Variants in PCCB observed in about 807,000 individuals in gnomAD.
PCCB encodes propionyl-CoA carboxylase beta chain, mitochondrial.
PCCB carries 43 observed loss-of-function variants against 60.7 expected under a neutral mutation model. That is an observed-to-expected ratio of 0.71 (90% CI 0.55 to 0.91). The LOEUF is 0.91. PCCB is among the 40% of genes least tolerant of loss of function. PCCB has a pLI of 0.00. For synonymous variants in PCCB, 276 were observed against 255.9 expected (o/e 1.08, Z -0.75); for missense variants, 766 against 702.8 (o/e 1.09, Z -1.02).
intron 13 of PCCB, among the ~76,000 whole-genome samples, chr3:136,328,166 C>T (rs139096777): frequency 2.6e-5 from 4 of 152,286 alleles, no homozygotes; most frequent in African/African-American, 4.8e-5. Context: ...ACCCTAGTGA[C>T]GTTGGACAAG....
At chr3:136,276,779 A>G (rs1942341914) in intron 5 of PCCB, among the ~76,000 whole-genome samples, 1 of 152,218 alleles carries the variant, frequency 6.6e-6, no homozygotes, top group Non-Finnish European at 1.5e-5. Context: ...TTGTTGGGGT[A>G]GAGCTGCAGA....
chr3:136,278,193 G>T (rs1401841349), intron 5 of PCCB, among the ~76,000 whole-genome samples: 7 of 152,080 alleles, frequency 4.6e-5, no homozygotes, highest in African/African-American at 1.2e-4. Flanking sequence ...ATCAGTCCCA[G>T]CCCTGGGTAA....
chr3:136,265,760 A>G (rs919633528), intron 5 of PCCB, among the ~76,000 whole-genome samples: 11 of 151,960 alleles, frequency 7.2e-5, no homozygotes, highest in African/African-American at 2.7e-4. Flanking sequence ...TTACATTACC[A>G]TGAGCAATGT....
chr3:136,253,082 G>GATTTTTTTTTTTT (rs1941562687), intron 1 of PCCB, among the ~76,000 whole-genome samples: 2 of 71,500 alleles, frequency 2.8e-5, no homozygotes, highest in Non-Finnish European at 4.9e-5. Flanking sequence ...AGCAATGGAG[G>GATTTTTTTTTTTT]TTTTTTTTTT....
chr3:136,330,087 C>A lies in PCCB; in HGVS notation c.*61C>A. On this transcript the variant is annotated 3_prime_UTR_variant, in exon 15 of 15. Coordinates refer to ENST00000251654, the MANE Select transcript of PCCB (RefSeq NM_000532.5). ...CTGTCTGCCCATTCACATCCCATTC[C>A]TGCCTTTTGCAATCATGAAACCTGG... is the stretch of plus-strand genomic sequence containing the variant. 1 of 1,611,542 alleles carries A rather than the reference C, an allele frequency of 6.2e-7. No individual in the cohort carries two copies. Among genetic ancestry groups the A allele is most frequent in the African/African-American group, 1.3e-5 (1 of 74,998 alleles).
intron 6 of PCCB, among the ~76,000 whole-genome samples, chr3:136,289,789 C>CTTTTTTTTTTTTTTTTTTTTTTTT (rs147625921): frequency 7.1e-6 from 1 of 141,796 alleles, no homozygotes; most frequent in Non-Finnish European, 1.5e-5. Context: ...ACATGTTATA[C>CTTTTTTTTTTTTTTTTTTTTTTTT]TTTTTTTTTA....
chr3:136,263,575 A>C (rs73222262), intron 5 of PCCB, among the ~76,000 whole-genome samples: 6,393 of 151,932 alleles, frequency 0.042, 174 homozygotes, highest in East Asian at 0.13. Flanking sequence ...CCTGGCTTTT[A>C]ATTTTTGTTT....
intron 5 of PCCB, among the ~76,000 whole-genome samples, chr3:136,271,135 C>G (rs988032662): frequency 6.6e-6 from 1 of 151,920 alleles, no homozygotes; most frequent in Admixed American, 6.6e-5. Context: ...TAATTAGGTC[C>G]CATTTATTTT....
At chr3:136,280,854 A>G (rs951710304) in intron 5 of PCCB, among the ~76,000 whole-genome samples, 3 of 152,094 alleles carry the variant, frequency 2.0e-5, no homozygotes, top group Admixed American at 6.5e-5. Context: ...AGGGCTCACT[A>G]TATCGTCCAG....
At chr3:136,261,822 C>G (rs1941834219) in intron 4 of PCCB, 130 bp from the exon 5 acceptor site, 1 of 701,170 alleles carries the variant, frequency 1.4e-6, no homozygotes, top group Non-Finnish European at 2.6e-6. Flanking sequence ...GGGAGTGAAA[C>G]CAGTGTTACT....
intron 5 of PCCB, among the ~76,000 whole-genome samples, chr3:136,266,185 A>G (rs1159942072): frequency 4.9e-5 from 7 of 141,480 alleles, no homozygotes; most frequent in South Asian, 2.2e-4. Flanking sequence ...CTGGAGTGCT[A>G]TGGTGCAGTC....
chr3:136,280,427 A>G (rs888512459), intron 5 of PCCB, among the ~76,000 whole-genome samples: 1 of 151,958 alleles, frequency 6.6e-6, no homozygotes, highest in African/African-American at 2.4e-5. Context: ...GCGCACAGCA[A>G]CTCTGCCTGC....
chr3:136,324,781 C>T (rs1009750990), intron 10 of PCCB, among the ~76,000 whole-genome samples: 4 of 152,214 alleles, frequency 2.6e-5, no homozygotes, highest in African/African-American at 9.6e-5. Context: ...AGCCCACAGA[C>T]AGGTTAGAGC....
At chr3:136,293,931 G>A (rs1933818406) in intron 7 of PCCB, 67 bp downstream of exon 7, 2 of 949,292 alleles carry the variant, frequency 2.1e-6, no homozygotes, top group South Asian at 1.3e-5. Flanking sequence ...CAAAGAGCCT[G>A]GTGGCAGTTT....
Position 136,255,863 on chromosome 3 carries a change from T to C in PCCB, c.191T>C (p.Leu64Pro), listed in dbSNP as rs905849253. 2 of 1,613,830 alleles carry C rather than the reference T, an allele frequency of 1.2e-6. No homozygotes were observed. The highest frequency in any genetic ancestry group is 1.7e-6 in the Non-Finnish European group (2 of 1,179,852). The change falls in exon 2 of 15, where the codon CTA becomes CCA. Residue 64 changes from leucine (L) to proline (P), a missense_variant. Leu to Pro is a moderately conservative substitution (Grantham distance 98). Transcript: ENST00000251654. ...ATCTTTGTTCCATTGTAGGGAAAGC[T>C]AACAGCCAGGGAGAGGATCAGTCTC... ...RIDAQHKRGK[L>P]TARERISLLL... is the part of the protein sequence containing the mutation.
At chr3:136,316,794 T>G (rs1934912644) in intron 9 of PCCB, 147 bp from the exon 10 acceptor site, 3 of 889,394 alleles carry the variant, frequency 3.4e-6, no homozygotes, top group Non-Finnish European at 5.5e-6. Flanking sequence ...CTGCCTGTTG[T>G]CCTGCTTCCT....
chr3:136,299,047 A>G (rs918644555), intron 8 of PCCB, among the ~76,000 whole-genome samples: 4 of 152,096 alleles, frequency 2.6e-5, no homozygotes, highest in Non-Finnish European at 5.9e-5. Flanking sequence ...AGCTGTGGGT[A>G]TAGCCTTTCT....
chr3:136,269,840 C>G (rs1331677460), intron 5 of PCCB, among the ~76,000 whole-genome samples: 3 of 140,998 alleles, frequency 2.1e-5, no homozygotes, highest in Non-Finnish European at 3.0e-5. Context: ...GAGCCGAGAT[C>G]GTGCTACTGC....
chr3:136,299,649 T>C (rs1934131912), intron 8 of PCCB, among the ~76,000 whole-genome samples: 2 of 120,980 alleles, frequency 1.7e-5, no homozygotes, highest in South Asian at 6.0e-4. Context: ...TGTATGTATA[T>C]GCATGTGTAT....
Sources: gnomAD v4.1 joint callset for allele counts (sites outside exome capture counted in the v4.1 genomes callset) on GRCh38, gnomAD v4.1.1 for gene constraint, MANE v1.5 for transcripts, NCBI Gene and HGNC (gene_info 2026-07-23, HGNC 2026-07-21) for gene names.